The following COG6 variants were observed in gnomAD, a reference collection of about 807,000 sequenced individuals.
COG6 encodes conserved oligomeric Golgi complex subunit 6.
In COG6, 74 loss-of-function variants were observed where a neutral mutation model predicts 88.8. The ratio of observed to expected loss-of-function variants is 0.83; its 90% CI spans 0.69 to 1.01. COG6 has a LOEUF of 1.01. Among genes scored for constraint, COG6 ranks in the 50% least tolerant of loss-of-function variants. COG6 has a pLI of 0.00. For synonymous variants in COG6, 286 were observed against 278.7 expected, an observed-to-expected ratio of 1.03 and a Z score of -0.26; for missense variants, 800 against 797.9, an observed-to-expected ratio of 1.00 and a Z score of -0.03.
intron 15 of COG6, among the ~76,000 whole-genome samples, chr13:39,720,875 C>G (rs1186722284): frequency 6.6e-6 from 1 of 151,968 alleles, no homozygotes; most frequent in Admixed American, 6.6e-5. Flanking sequence ...GCCACTCCCC[C>G]AACCCCCCTG....
intron 16 of COG6, among the ~76,000 whole-genome samples, chr13:39,724,291 T>C (rs139467534): frequency 3.4e-4 from 51 of 152,126 alleles, no homozygotes; most frequent in Non-Finnish European, 6.0e-4. Flanking sequence ...GATATTTCTG[T>C]TGTTAATAAA....
In COG6 at chr13:39,751,145, GTTAT is replaced by G; in HGVS notation, c.*55_*58del. On this transcript the variant is annotated 3_prime_UTR_variant, in exon 19 of 19. Coordinates refer to ENST00000455146, the MANE Select transcript of COG6 (RefSeq NM_020751.3). ...ATATGACCTCCCTAAAACACTGAAG[GTTAT>G]TTTTTATTCTTTGAATTTTTACTCT... 1 of 1,602,378 alleles carries G rather than the reference GTTAT, an allele frequency of 6.2e-7. No homozygotes were observed. Among genetic ancestry groups the G allele is most frequent in the East Asian group, 2.3e-5 (1 of 44,226 alleles).
At chr13:39,710,489 G>A (rs372400195) in intron 13 of COG6, among the ~76,000 whole-genome samples, 38 of 152,078 alleles carry the variant, frequency 2.5e-4, no homozygotes, top group Non-Finnish European at 4.3e-4. Context: ...TTGGAAGAAA[G>A]GAGACCACTT....
chr13:39,788,530 G>T (rs753692083), exon 19 of COG6: 1 of 618,430 alleles, frequency 1.6e-6, no homozygotes. Flanking sequence ...TGTGAGGGAT[G>T]AACCAAATGG....
intron 15 of COG6, among the ~76,000 whole-genome samples, 163 bp downstream of exon 15, chr13:39,719,990 A>G (rs1036530342): frequency 1.6e-3 from 124 of 78,506 alleles, no homozygotes; most frequent in Middle Eastern, 6.3e-3. Context: ...ACACGCACAT[A>G]CACAACACAC....
intron 4 of COG6, among the ~76,000 whole-genome samples, chr13:39,667,310 TTTAC>T (rs1480816241): frequency 6.6e-6 from 1 of 152,196 alleles, no homozygotes; most frequent in Non-Finnish European, 1.5e-5. Context: ...CCCCTTTTTG[TTTAC>T]TAACTACCTT....
intron 17 of COG6, 86 bp downstream of exon 17, chr13:39,724,647 G>A (rs2138086728): frequency 2.9e-6 from 3 of 1,042,990 alleles, no homozygotes; most frequent in Non-Finnish European, 4.5e-6. Flanking sequence ...TTCATTCTGG[G>A]TGACACTTTT....
intron 15 of COG6, among the ~76,000 whole-genome samples, chr13:39,722,438 G>A (rs763245546): frequency 1.3e-5 from 2 of 151,900 alleles, no homozygotes; most frequent in Non-Finnish European, 2.9e-5. Context: ...TCAGTTCTAA[G>A]TTTTTTAGGG....
chr13:39,715,299 A>T (rs1265855126), intron 13 of COG6, among the ~76,000 whole-genome samples: 1 of 152,146 alleles, frequency 6.6e-6, no homozygotes, highest in South Asian at 2.1e-4. Flanking sequence ...ACACAAACAC[A>T]CACATACTAT....
In COG6 at chr13:39,682,129, A is replaced by C. The variant is rs74044142; in HGVS notation, c.695-42A>C. ...AATGCAACAGACATAATAAACATCT[A>C]AGCTGAATTTAACAAAAGTTATAAT... On this transcript the variant is annotated intron_variant, in intron 7 of 18. Coordinates refer to ENST00000455146, the MANE Select transcript of COG6 (RefSeq NM_020751.3). 5.2e-3 allele frequency: 7,053 copies of C among 1,361,442 alleles called. 296 individuals are homozygous for C. In the African/African-American group the frequency reaches 0.089, roughly 17 times the overall value. 84.3% of individuals were successfully genotyped at this position (1,361,442 alleles called of 1,614,324 possible). A position where few individuals can be genotyped will look rare whatever the true frequency, so the allele number is the denominator to read the frequency against.
chr13:39,671,267 T>C (rs1282000552), intron 4 of COG6, among the ~76,000 whole-genome samples: 1 of 151,974 alleles, frequency 6.6e-6, no homozygotes. Flanking sequence ...TTGGTTTAAG[T>C]ATTTTAAAAG....
At chr13:39,656,979 C>T (rs946384231) in intron 1 of COG6, 2 of 431,748 alleles carry the variant, frequency 4.6e-6, no homozygotes, top group South Asian at 1.7e-5. Context: ...TAATGTGTCT[C>T]ATATTGATAT....
At chr13:39,728,951 C>T (rs1222614371) in intron 18 of COG6, among the ~76,000 whole-genome samples, 1 of 152,208 alleles carries the variant, frequency 6.6e-6, no homozygotes, top group Non-Finnish European at 1.5e-5. Context: ...GTGTGAGCCA[C>T]TGCGCCCGGC....
chr13:39,747,368 T>C (rs2138140563), intron 18 of COG6, among the ~76,000 whole-genome samples: 1 of 152,320 alleles, frequency 6.6e-6, no homozygotes, highest in East Asian at 1.9e-4. Context: ...TTTCATTTTA[T>C]TTCTATCCTG....
At chr13:39,758,048 C>A (rs1460108059) in intron 18 of COG6, among the ~76,000 whole-genome samples, 4 of 151,426 alleles carry the variant, frequency 2.6e-5, no homozygotes, top group Non-Finnish European at 5.9e-5. Context: ...GGTGAAACCC[C>A]GTCTCTACTA....
At chr13:39,742,646 A>G (rs1234317801) in intron 18 of COG6, among the ~76,000 whole-genome samples, 1 of 152,080 alleles carries the variant, frequency 6.6e-6, no homozygotes, top group African/African-American at 2.4e-5. Context: ...CTCCCACACA[A>G]TAATAATGGG....
intron 18 of COG6, among the ~76,000 whole-genome samples, chr13:39,786,876 C>A (rs1453418206): frequency 6.6e-6 from 1 of 152,154 alleles, no homozygotes. Context: ...GAAGCCTGAT[C>A]AAACTGTCTC....
Position 39,700,615 on chromosome 13 carries a change from C to G in COG6, c.1284+997C>G, listed in dbSNP as rs1877523319. On this transcript the variant is annotated intron_variant, in intron 13 of 18. Coordinates refer to ENST00000455146, the MANE Select transcript of COG6 (RefSeq NM_020751.3). ...TCTAAAATAATTTATACATGATACA[C>G]AAACATTAAACATGAACAAATATGT... Among the ~76,000 whole-genome samples, 3 of 151,848 alleles carry G rather than the reference C, an allele frequency of 2.0e-5. No homozygotes were observed. The South Asian group carries it at 6.2e-4, about 31-fold the overall frequency.
chr13:39,690,503 T>G (rs1441079879), intron 11 of COG6, among the ~76,000 whole-genome samples: 2 of 151,984 alleles, frequency 1.3e-5, no homozygotes, highest in Non-Finnish European at 2.9e-5. Context: ...TTTATTTTCC[T>G]TTATTAATAT....
Sources: allele counts gnomAD v4.1 joint callset (sites outside exome capture counted in the v4.1 genomes callset), GRCh38; gene constraint gnomAD v4.1.1; transcripts MANE v1.5; gene names NCBI Gene and HGNC (gene_info 2026-07-23, HGNC 2026-07-21).